The following NEMP2 variants were observed in gnomAD, a reference collection of about 807,000 sequenced individuals.
The protein encoded by NEMP2 is nuclear envelope integral membrane protein 2.
Under a neutral mutation model 54.2 loss-of-function variants are expected in NEMP2, and 53 were observed. That is an observed-to-expected ratio of 0.98 (90% CI 0.78 to 1.23). The LOEUF (loss-of-function observed/expected upper bound fraction) is 1.23. Among genes scored for constraint, NEMP2 ranks in the 50% most tolerant of loss-of-function variants. The pLI is 0.00. For missense variants in NEMP2, 455 were observed against 511.3 expected (o/e 0.89, Z 1.06); for synonymous variants, 197 against 190.3 (o/e 1.04, Z -0.29).
At chr2:190,565,562 G>A in the NEMP2 span, among the ~76,000 whole-genome samples, 3 of 152,158 alleles carry the variant, frequency 2.0e-5, no homozygotes, top group Non-Finnish European at 4.4e-5. Context: ...AAGAGAATGC[G>A]AGCTGTGATA....
chr2:190,606,870 T>C, the NEMP2 span, among the ~76,000 whole-genome samples: 1 of 152,216 alleles, frequency 6.6e-6, no homozygotes, highest in Non-Finnish European at 1.5e-5. Context: ...GAATTTCTAT[T>C]TAATTGTGGA....
At chr2:190,425,472 G>A in the NEMP2 span, among the ~76,000 whole-genome samples, 36 of 152,268 alleles carry the variant, frequency 2.4e-4, 1 homozygote, top group South Asian at 1.5e-3. The surrounding 1 kb of genome is among the most constrained non-coding windows in gnomAD (Gnocchi z 4.3). Context: ...ATGGGTTTCC[G>A]TAGGTGATCT....
chr2:190,534,456 G>A (rs988382963), intron 1 of NEMP2, 103 bp downstream of exon 1: 31 of 1,242,404 alleles, frequency 2.5e-5, no homozygotes, highest in Non-Finnish European at 2.8e-5. Context: ...CGCCCCAGTG[G>A]GCCTCGCGGT....
chr2:190,547,875 C>T, the NEMP2 span, among the ~76,000 whole-genome samples: 21 of 151,620 alleles, frequency 1.4e-4, no homozygotes, highest in Admixed American at 3.3e-4. The surrounding 1 kb of genome is among the most constrained non-coding windows in gnomAD (Gnocchi z 6.2). Flanking sequence ...AAGAAAAATT[C>T]GATAAAGGAG....
chr2:190,550,032 G>A, the NEMP2 span, among the ~76,000 whole-genome samples: 1 of 152,096 alleles, frequency 6.6e-6, no homozygotes, highest in East Asian at 1.9e-4. This position sits in a 1 kb window ranked among gnomAD's most constrained non-coding sequence, Gnocchi z 4.7. Context: ...TCTAATGAAA[G>A]TTCAGGACTA....
At chr2:190,453,580 A>G in the NEMP2 span, among the ~76,000 whole-genome samples, 1 of 152,328 alleles carries the variant, frequency 6.6e-6, no homozygotes, top group Admixed American at 6.5e-5. Context: ...GACTGTTGGG[A>G]AGAGACAAAT....
the NEMP2 span, among the ~76,000 whole-genome samples, chr2:190,435,505 C>T: frequency 6.6e-5 from 10 of 152,338 alleles, no homozygotes; most frequent in East Asian, 1.3e-3. Flanking sequence ...TTTCTCATTA[C>T]ATTTGTGGTT....
Position 190,522,801 on chromosome 2 carries a change from CTCTT to C in NEMP2, c.213+2458_213+2461del, listed in dbSNP as rs1197942007. Reference sequence around the variant, plus strand: ...AGACATTCCTTTCTATTGATAATAACTCTTTCAACCAATTGCCAATCAGAAAATT... The same window carrying C: ...AGACATTCCTTTCTATTGATAATAACTCAACCAATTGCCAATCAGAAAATT... On this transcript the variant is annotated intron_variant, in intron 2 of 8. Coordinates refer to ENST00000409150, the MANE Select transcript of NEMP2 (RefSeq NM_001142645.2). This position sits in a 1 kb window ranked among gnomAD's most constrained non-coding sequence, Gnocchi z 5.0. Among the ~76,000 whole-genome samples, 1 of 152,222 alleles carries C rather than the reference CTCTT, an allele frequency of 6.6e-6. No individual in the cohort carries two copies. Among genetic ancestry groups the C allele is most frequent in the African/African-American group, 2.4e-5 (1 of 41,464 alleles).
At chr2:190,534,305 G>C (rs1691276412) in intron 1 of NEMP2, 10 of 1,179,284 alleles carry the variant, frequency 8.5e-6, no homozygotes, top group Non-Finnish European at 1.0e-5. Flanking sequence ...GAGGGAATTG[G>C]GCGACTGGAT....
chr2:190,443,705 C>T, the NEMP2 span, among the ~76,000 whole-genome samples: 36 of 152,256 alleles, frequency 2.4e-4, no homozygotes, highest in Non-Finnish European at 4.3e-4. This position sits in a 1 kb window ranked among gnomAD's most constrained non-coding sequence, Gnocchi z 4.2. Flanking sequence ...AAGTGCACTC[C>T]TGATACAGCC....
chr2:190,442,053 CA>C, the NEMP2 span, among the ~76,000 whole-genome samples: 1 of 151,980 alleles, frequency 6.6e-6, no homozygotes, highest in Non-Finnish European at 1.5e-5. Flanking sequence ...GATTAAAAAG[CA>C]AAAAGATGGT....
the NEMP2 span, among the ~76,000 whole-genome samples, chr2:190,606,036 A>G: frequency 6.6e-5 from 10 of 152,210 alleles, no homozygotes; most frequent in Non-Finnish European, 1.3e-4. Flanking sequence ...AATTCAATGG[A>G]ATGTATCTGA....
chr2:190,496,741 A>G, the NEMP2 span, among the ~76,000 whole-genome samples: 2 of 152,218 alleles, frequency 1.3e-5, no homozygotes, highest in African/African-American at 2.4e-5. The surrounding 1 kb of genome is among the most constrained non-coding windows in gnomAD (Gnocchi z 4.7). Context: ...ATAAAAAGGA[A>G]TGAATTAATG....
At chr2:190,534,333 T>G (rs1450965168) in intron 1 of NEMP2, 2 of 1,193,572 alleles carry the variant, frequency 1.7e-6, no homozygotes, top group Non-Finnish European at 1.0e-6. Context: ...TTGCTTCTAA[T>G]TCTAAAATTA....
At chr2:190,572,620 A>G in the NEMP2 span, among the ~76,000 whole-genome samples, 187 of 152,136 alleles carry the variant, frequency 1.2e-3, no homozygotes, top group Admixed American at 3.1e-3. Flanking sequence ...GTTGCAATAT[A>G]GTAAGATAAT....
rs901826732 is a variant in NEMP2, at chr2:190,520,005, T to C, written c.214-822A>G. ...GGGTTTTTTTAAAGATATAATTCTA[T>C]TGCACCCTTAATAGACTAACAGTAT... is the stretch of plus-strand genomic sequence containing the variant. On this transcript the variant is annotated intron_variant, in intron 2 of 8. Coordinates refer to ENST00000409150, the MANE Select transcript of NEMP2 (RefSeq NM_001142645.2). This position sits in a 1 kb window ranked among gnomAD's most constrained non-coding sequence, Gnocchi z 5.4. Among the ~76,000 whole-genome samples the C allele has an allele frequency of 1.1e-4, 16 of 151,482 alleles. No homozygotes were observed. The highest frequency in any genetic ancestry group is 3.4e-4 in the African/African-American group (14 of 41,344).
chr2:190,575,901 G>C, the NEMP2 span, among the ~76,000 whole-genome samples: 2 of 151,020 alleles, frequency 1.3e-5, no homozygotes, highest in East Asian at 1.9e-4. Flanking sequence ...GAAATGAATG[G>C]TTAAAAAGAA....
the NEMP2 span, chr2:190,489,933 G>A: frequency 5.6e-6 from 4 of 718,596 alleles, no homozygotes; most frequent in Non-Finnish European, 8.0e-6. This position sits in a 1 kb window ranked among gnomAD's most constrained non-coding sequence, Gnocchi z 6.6. Flanking sequence ...CAAATGCCCC[G>A]AGAAGCCTAG....
the NEMP2 span, among the ~76,000 whole-genome samples, chr2:190,576,721 GTC>G: frequency 6.6e-6 from 1 of 152,074 alleles, no homozygotes; most frequent in Non-Finnish European, 1.5e-5. Context: ...CAACCTGTTA[GTC>G]TCTGGTAAAA....
Sources: gnomAD v4.1 joint callset for allele counts (sites outside exome capture counted in the v4.1 genomes callset) on GRCh38, gnomAD v4.1.1 for gene constraint, Gnocchi (gnomAD v3.1) non-coding constraint, MANE v1.5 for transcripts, NCBI Gene and HGNC (gene_info 2026-07-23, HGNC 2026-07-21) for gene names.